Variants in SCN7A observed in about 807,000 individuals in gnomAD.
SCN7A encodes the protein sodium channel protein type 7 subunit alpha.
Under a neutral mutation model 155.2 loss-of-function variants are expected in SCN7A, and 138 were observed. The ratio of observed to expected loss-of-function variants is 0.89; its 90% CI spans 0.77 to 1.02. SCN7A has a LOEUF of 1.02. SCN7A is among the 50% of genes least tolerant of loss of function. The pLI, the probability that SCN7A is intolerant of heterozygous loss-of-function variation, is 0.00. For synonymous variants in SCN7A, 693 were observed against 649.0 expected (o/e 1.07, Z -1.03); for missense variants, 2,058 against 1,986.6 (o/e 1.04, Z -0.68).
At position 166,456,825 on chromosome 2, in the gene SCN7A, TATATAGATAG is replaced by T. The variant is rs1426086411; in HGVS notation, c.1290+35_1290+44del. Reference sequence around the variant, plus strand: ...TAAAATATATATATATATATATATATATATAGATAGATAGATAGATAGATAGATAGATAGA... The same window carrying T: ...TAAAATATATATATATATATATATATATAGATAGATAGATAGATAGATAGA... On this transcript the variant is annotated intron_variant, in intron 11 of 25. Coordinates refer to ENST00000643258, the MANE Select transcript of SCN7A (RefSeq NM_002976.4). 86 of 736,236 alleles carry T rather than the reference TATATAGATAG, an allele frequency of 1.2e-4. No homozygotes were observed. In the African/African-American group the frequency reaches 1.4e-3, roughly 12 times the overall value. The allele number at this position is 736,236 out of a possible 1,614,324, so 45.6% of individuals were successfully genotyped here. A position where few individuals can be genotyped will look rare whatever the true frequency, so the allele number is the denominator to read the frequency against.
chr2:166,460,445 A>C (rs1702378174), intron 10 of SCN7A, among the ~76,000 whole-genome samples: 1 of 152,128 alleles, frequency 6.6e-6, no homozygotes, highest in African/African-American at 2.4e-5. Flanking sequence ...TTTTTCTCAG[A>C]TAGATAAAAA....
At chr2:166,430,450 G>T (rs900101821) in intron 16 of SCN7A, among the ~76,000 whole-genome samples, 1 of 151,600 alleles carries the variant, frequency 6.6e-6, no homozygotes, top group African/African-American at 2.4e-5. Flanking sequence ...TAGGCATTAA[G>T]TAATTTAAAC....
At chr2:166,465,414 T>G (rs2105484439) in intron 9 of SCN7A, 48 bp downstream of exon 9, 1 of 1,252,280 alleles carries the variant, frequency 8.0e-7, no homozygotes, top group South Asian at 1.3e-5. Flanking sequence ...CATTAAATAC[T>G]ATTGACAGGT....
At position 166,412,596 on chromosome 2, in the gene SCN7A, T is replaced by G. The variant is rs758606587; in HGVS notation, c.3540A>C (p.Gly1180=). The G allele has an allele frequency of 2.6e-6, 4 of 1,522,180 alleles. No homozygotes were observed. Among genetic ancestry groups the G allele is most frequent in the Non-Finnish European group, 3.5e-6 (4 of 1,136,936 alleles). 94.3% of individuals were successfully genotyped at this position (1,522,180 alleles called of 1,614,324 possible). ...YCYFINFIIF[G]VFLPLSMLIT... ...TCAGCATACTCAGAGGGAGAAATAC[T>G]CCAAATATAATAAAGTTGATAAAGT... The change falls in exon 23 of 26, where the codon GGA becomes GGC. Residue 1180 remains glycine, a synonymous_variant. Transcript: ENST00000643258.
chr2:166,458,326 C>CCA (rs1553519059), intron 10 of SCN7A, among the ~76,000 whole-genome samples: 1 of 97,958 alleles, frequency 1.0e-5, no homozygotes, highest in Non-Finnish European at 2.2e-5. Context: ...GACCATGTAT[C>CCA]AAAAAAAAAA....
intron 17 of SCN7A, 126 bp from the exon 18 acceptor site, chr2:166,428,068 T>C (rs1408441063): frequency 1.0e-6 from 1 of 989,408 alleles, no homozygotes. Flanking sequence ...TGTCTCTGAT[T>C]TATAAACATT....
chr2:166,474,374 T>G (rs1702732502), intron 3 of SCN7A, 30 bp from the exon 4 acceptor site: 1 of 1,031,104 alleles, frequency 9.7e-7, no homozygotes, highest in Non-Finnish European at 1.4e-6. Flanking sequence ...CAAGTGAAAT[T>G]AGAACTCAGA....
chr2:166,440,697 CAAAT>C (rs934285364), intron 15 of SCN7A: 2 of 151,630 alleles, frequency 1.3e-5, no homozygotes, highest in African/African-American at 4.8e-5. Flanking sequence ...TAACTAAATA[CAAAT>C]AAATAAAGGG....
chr2:166,431,964 C>G (rs551579352), intron 16 of SCN7A, among the ~76,000 whole-genome samples: 1 of 152,110 alleles, frequency 6.6e-6, no homozygotes, highest in East Asian at 1.9e-4. Flanking sequence ...CCTCAGTATA[C>G]TTTTCAGCAC....
chr2:166,480,861 A>G (rs1702910362), intron 2 of SCN7A, among the ~76,000 whole-genome samples: 2 of 152,294 alleles, frequency 1.3e-5, no homozygotes, highest in South Asian at 4.1e-4. Flanking sequence ...AACCAATCCT[A>G]TTCATGCTCT....
At chr2:166,471,059 C>G (rs1371369526) in intron 6 of SCN7A, among the ~76,000 whole-genome samples, 2 of 151,638 alleles carry the variant, frequency 1.3e-5, no homozygotes, top group African/African-American at 4.8e-5. Flanking sequence ...GAATAAGATT[C>G]ATTTTAAGTA....
At chr2:166,468,643 G>C (rs1367078180) in intron 7 of SCN7A, among the ~76,000 whole-genome samples, 1 of 151,834 alleles carries the variant, frequency 6.6e-6, no homozygotes, top group Non-Finnish European at 1.5e-5. Flanking sequence ...ATTACTTTTA[G>C]AACTAAATAC....
chr2:166,442,823 C>T (rs72623156), intron 14 of SCN7A, among the ~76,000 whole-genome samples: 31,464 of 152,000 alleles, frequency 0.21, 3,560 homozygotes, highest in African/African-American at 0.31. Context: ...GTATATATTT[C>T]TCTTATTCAT....
chr2:166,467,730 C>T (rs1340914451), intron 7 of SCN7A, among the ~76,000 whole-genome samples: 1 of 151,354 alleles, frequency 6.6e-6, no homozygotes, highest in African/African-American at 2.4e-5. Flanking sequence ...GTATAACTTC[C>T]TCCTCCTTTT....
intron 7 of SCN7A, among the ~76,000 whole-genome samples, chr2:166,467,803 G>A (rs1285433227): frequency 3.3e-5 from 5 of 151,398 alleles, no homozygotes; most frequent in African/African-American, 4.8e-5. Flanking sequence ...TTGTATTTCT[G>A]ACTTCATATT....
At chr2:166,421,518 G>A (rs1202347160) in intron 19 of SCN7A, among the ~76,000 whole-genome samples, 1 of 151,746 alleles carries the variant, frequency 6.6e-6, no homozygotes, top group East Asian at 1.9e-4. Context: ...AAACTAAACT[G>A]TTTTCTGGTA....
chr2:166,463,168 T>C (rs936705434), intron 9 of SCN7A, among the ~76,000 whole-genome samples: 5 of 152,152 alleles, frequency 3.3e-5, no homozygotes, highest in African/African-American at 1.2e-4. Context: ...CATCAATAAT[T>C]TATAAGCAGT....
intron 7 of SCN7A, among the ~76,000 whole-genome samples, chr2:166,469,119 T>C (rs1182633069): frequency 6.6e-6 from 1 of 151,606 alleles, no homozygotes; most frequent in Non-Finnish European, 1.5e-5. Flanking sequence ...TTTATATTCA[T>C]TCTGGTCTGT....
At chr2:166,466,070 T>A (rs1702528958) in intron 7 of SCN7A, 83 bp from the exon 8 acceptor site, 1 of 877,402 alleles carries the variant, frequency 1.1e-6, no homozygotes, top group Non-Finnish European at 1.8e-6. Context: ...AGCAACTGCA[T>A]ACTCCATTGA....
Sources: allele counts gnomAD v4.1 joint callset (sites outside exome capture counted in the v4.1 genomes callset), GRCh38; gene constraint gnomAD v4.1.1; transcripts MANE v1.5; gene names NCBI Gene and HGNC (gene_info 2026-07-23, HGNC 2026-07-21).